Variants in GGT7 observed in about 807,000 individuals in gnomAD.
GGT7 encodes the protein glutathione hydrolase 7.
A neutral mutation model predicts 69.2 loss-of-function variants in GGT7; 30 were observed. The observed-to-expected ratio is 0.43, with a 90% CI of 0.32 to 0.59. The LOEUF is 0.59. Among genes scored for constraint, GGT7 ranks in the 20% least tolerant of loss-of-function variants. The probability of loss-of-function intolerance (pLI) is 0.05; values close to 1 mark genes in which losing one functional copy is unlikely to be tolerated. For synonymous variants in GGT7, 388 were observed against 391.8 expected (o/e 0.99, Z 0.12); for missense variants, 733 against 901.1 (o/e 0.81, Z 2.39).
chr20:34,853,530 C>G (rs933544686), intron 10 of GGT7, among the ~76,000 whole-genome samples: 1 of 149,946 alleles, frequency 6.7e-6, no homozygotes, highest in Non-Finnish European at 1.5e-5. Context: ...ACACTGCACT[C>G]CAGCCTGGGC....
At chr20:34,871,676 G>A (rs1456208883) in intron 1 of GGT7, among the ~76,000 whole-genome samples, 1 of 152,244 alleles carries the variant, frequency 6.6e-6, no homozygotes, top group Non-Finnish European at 1.5e-5. Flanking sequence ...GGCCAAGCCG[G>A]AAAAGCAGCA....
At chr20:34,858,128 C>A (rs2079525752) in intron 7 of GGT7, among the ~76,000 whole-genome samples, 1 of 152,138 alleles carries the variant, frequency 6.6e-6, no homozygotes, top group South Asian at 2.1e-4. Flanking sequence ...CTATGATGAG[C>A]TAATAAGACA....
intron 14 of GGT7, among the ~76,000 whole-genome samples, chr20:34,845,700 A>G (rs767122243): frequency 4.6e-5 from 7 of 152,160 alleles, no homozygotes; most frequent in Non-Finnish European, 1.0e-4. Context: ...AAAGGAGATA[A>G]TGCACACACA....
At chr20:34,854,226 C>T (rs1233112941) in intron 10 of GGT7, among the ~76,000 whole-genome samples, 2 of 152,292 alleles carry the variant, frequency 1.3e-5, no homozygotes, top group African/African-American at 2.4e-5. Context: ...CGTGAGCCAC[C>T]GTGCCTGGCT....
At chr20:34,858,815 G>A (rs1304936282) in intron 7 of GGT7, among the ~76,000 whole-genome samples, 1 of 152,174 alleles carries the variant, frequency 6.6e-6, no homozygotes, top group Non-Finnish European at 1.5e-5. Flanking sequence ...GGAGGGACAT[G>A]ACAAGCCCCT....
intron 9 of GGT7, 46 bp from the exon 10 acceptor site, chr20:34,854,665 A>G: frequency 6.3e-7 from 1 of 1,575,230 alleles, no homozygotes. Context: ...GGCCCCTCCC[A>G]GAACCCACAC....
At chr20:34,858,122 G>C (rs1349863095) in intron 7 of GGT7, among the ~76,000 whole-genome samples, 6 of 152,162 alleles carry the variant, frequency 3.9e-5, no homozygotes, top group Non-Finnish European at 7.3e-5. Flanking sequence ...TGAAACCTAT[G>C]ATGAGCTAAT....
intron 14 of GGT7, among the ~76,000 whole-genome samples, chr20:34,849,138 T>C (rs1281213393): frequency 6.6e-6 from 1 of 151,852 alleles, no homozygotes; most frequent in African/African-American, 2.4e-5. Context: ...GCACCAATTC[T>C]TTGTATAGTG....
Position 34,856,793 on chromosome 20 carries a change from G to A in GGT7, c.1102+13C>T, listed in dbSNP as rs748852471. ...TCCTGAGGGGGGACCCTGGGAGCCG[G>A]GGGAGAGGTCACCTCTGTACACGCC... On this transcript the variant is annotated intron_variant, in intron 8 of 14. Coordinates refer to ENST00000336431, the MANE Select transcript of GGT7 (RefSeq NM_178026.3). 1.3e-5 allele frequency: 20 copies of A among 1,542,800 alleles called. No individual in the cohort carries two copies. In the East Asian group the frequency reaches 4.3e-4, roughly 33 times the overall value.
chr20:34,849,867 A>G, intron 14 of GGT7, 94 bp downstream of exon 14: 2 of 664,482 alleles, frequency 3.0e-6, no homozygotes, highest in South Asian at 4.0e-5. Context: ...CTTCACTGGC[A>G]GTTGGTGCTG....
In GGT7 at chr20:34,863,474, C is replaced by T. The variant is rs201667708; in HGVS notation, c.244G>A (p.Gly82Arg). Residue 82 changes from glycine to arginine, a missense_variant, in exon 2 of 15, where the codon GGG (glycine) becomes AGG (arginine). Physicochemically the swap from Gly to Arg is moderately radical, Grantham distance 125. Transcript: ENST00000336431. The surrounding 1 kb of genome is among the most constrained non-coding windows in gnomAD (Gnocchi z 4.4). ...TTGCGCGTCTCGCGTAGCGGCGACC[C>T]GTCTTGGCTGCCCATCTCCGACGAC... is the stretch of plus-strand genomic sequence containing the variant. ...SSSSEMGSQDGSPLRETRKDP... is the reference protein window; with the variant it reads ...SSSSEMGSQDRSPLRETRKDP... 3.7e-6 allele frequency: 6 copies of T among 1,609,330 alleles called. No homozygotes were observed. In the African/African-American group the frequency reaches 4.0e-5, roughly 11 times the overall value.
At chr20:34,852,072 T>C (rs2079403136) in intron 12 of GGT7, 83 bp downstream of exon 12, 2 of 853,552 alleles carry the variant, frequency 2.3e-6, no homozygotes, top group Non-Finnish European at 4.1e-6. Context: ...CTGGAGAAAG[T>C]AGGGAGAAAG....
At chr20:34,861,996 C>A (rs978922710) in intron 3 of GGT7, among the ~76,000 whole-genome samples, 2 of 152,168 alleles carry the variant, frequency 1.3e-5, no homozygotes, top group Non-Finnish European at 2.9e-5. Context: ...TTCTTTGGTA[C>A]GGCTTGGAGA....
In GGT7 at chr20:34,852,440, G is replaced by C. The variant is rs1167079251; in HGVS notation, c.1418C>G (p.Ala473Gly). 2 of 1,614,000 alleles carry C rather than the reference G, an allele frequency of 1.2e-6. No individual in the cohort carries two copies. The highest frequency in any genetic ancestry group is 1.7e-6 in the Non-Finnish European group (2 of 1,179,954). Reference sequence around the variant, plus strand: ...AGGTCCCATGATCAGCACCTGGGCAGCCGTGGGAGCTCCGTCTAGTTCATA... The same window carrying C: ...AGGTCCCATGATCAGCACCTGGGCACCCGTGGGAGCTCCGTCTAGTTCATA... ...PVYELDGAPT[A>G]AQVLIMGPDD... The change falls in exon 11 of 15, where the codon GCT (alanine) becomes GGT (glycine). Residue 473 changes from alanine (A) to glycine (G), a missense_variant. Physicochemically the swap from Ala to Gly is moderately conservative, Grantham distance 60. Coordinates refer to ENST00000336431, the MANE Select transcript of GGT7 (RefSeq NM_178026.3).
intron 13 of GGT7, among the ~76,000 whole-genome samples, chr20:34,850,447 C>G (rs182522893): frequency 3.6e-4 from 55 of 152,284 alleles, no homozygotes; most frequent in African/African-American, 1.3e-3. Context: ...TGCGTAGGCT[C>G]TGGAACCAAA....
At chr20:34,861,338 C>CT in intron 4 of GGT7, 107 bp downstream of exon 4, 2 of 525,760 alleles carry the variant, frequency 3.8e-6, no homozygotes, top group Non-Finnish European at 3.4e-6. Flanking sequence ...CTGCTCAACT[C>CT]TTTTTCCCAC....
Position 34,845,150 on chromosome 20 carries a change from A to ACCACCACCACCACCACCCCCT in GGT7, c.*177_*178insAGGGGGTGGTGGTGGTGGTGG. ...CACCACCACCACCACCACCACCACC[A>ACCACCACCACCACCACCCCCT]CCACAGGCCTCCTGATGGAGAATTT... is the stretch of plus-strand genomic sequence containing the variant. On this transcript the variant is annotated 3_prime_UTR_variant, in exon 15 of 15. Transcript: ENST00000336431. The ACCACCACCACCACCACCCCCT allele has an allele frequency of 3.3e-6, 1 of 299,894 alleles. No homozygotes were observed. Among genetic ancestry groups the ACCACCACCACCACCACCCCCT allele is most frequent in the Non-Finnish European group, 6.3e-6 (1 of 159,320 alleles). The allele number at this position is 299,894 out of a possible 1,614,324, so 18.6% of individuals were successfully genotyped here.
chr20:34,872,715 T>C lies in GGT7; in HGVS notation c.101A>G (p.Glu34Gly). Residue 34 changes from glutamate (E) to glycine (G), a missense_variant, in exon 1 of 15, where the codon GAG becomes GGG. By Grantham distance (98) the Glu-to-Gly change is moderately conservative. Coordinates refer to ENST00000336431, the MANE Select transcript of GGT7 (RefSeq NM_178026.3). ...ITSFPRLPED[E>G]PAPAAPLRGR... ...CCTCAGCGGGGCCGCGGGCGCCGGCTCGTCCTCGGGCAGCCGCGGGAAGCT... is the reference window on the plus strand; with the variant it reads ...CCTCAGCGGGGCCGCGGGCGCCGGCCCGTCCTCGGGCAGCCGCGGGAAGCT... The C allele has an allele frequency of 6.7e-7, 1 of 1,489,680 alleles. No individual in the cohort carries two copies. Among genetic ancestry groups the C allele is most frequent in the Admixed American group, 2.6e-5 (1 of 38,170 alleles). 92.3% of individuals were successfully genotyped at this position (1,489,680 alleles called of 1,614,324 possible).
At chr20:34,854,129 G>T (rs2079446255) in intron 10 of GGT7, among the ~76,000 whole-genome samples, 1 of 152,140 alleles carries the variant, frequency 6.6e-6, no homozygotes, top group Admixed American at 6.6e-5. Context: ...TAGAGGCAGG[G>T]TTTCACTATG....
Sources: allele counts gnomAD v4.1 joint callset (sites outside exome capture counted in the v4.1 genomes callset), GRCh38; gene constraint gnomAD v4.1.1; non-coding constraint Gnocchi (gnomAD v3.1); transcripts MANE v1.5; gene names NCBI Gene and HGNC (gene_info 2026-07-23, HGNC 2026-07-21).